NAV3: variants seen among roughly 807,000 people sequenced by gnomAD.
NAV3 encodes the protein neuron navigator 3, also known as pore membrane and/or filament interacting like protein 1.
In NAV3, 87 loss-of-function variants were observed where a neutral mutation model predicts 244.7. The observed-to-expected ratio is 0.36, with a 90% CI of 0.30 to 0.42. NAV3 has a LOEUF of 0.42. NAV3 is among the 20% of genes least tolerant of loss of function. The pLI is 1.00. For synonymous variants in NAV3, 1,126 were observed against 1,042.2 expected, an observed-to-expected ratio of 1.08 and a Z score of -1.55; for missense variants, 2,663 against 2,893.3, an observed-to-expected ratio of 0.92 and a Z score of 1.83.
intron 2 of NAV3, among the ~76,000 whole-genome samples, chr12:77,704,279 G>A (rs2251744): frequency 0.81 from 123,895 of 152,134 alleles, 52,989 homozygotes; most frequent in East Asian, 1. Flanking sequence ...GTGTGAGTGC[G>A]TGCATGTGTG....
intron 2 of NAV3, among the ~76,000 whole-genome samples, chr12:77,661,973 A>C (rs1873471631): frequency 6.6e-6 from 1 of 152,018 alleles, no homozygotes; most frequent in Non-Finnish European, 1.5e-5. Flanking sequence ...CTTTATATTA[A>C]ATTTTAAAAT....
chr12:77,774,652 G>T (rs750869969), intron 2 of NAV3, among the ~76,000 whole-genome samples: 7 of 152,106 alleles, frequency 4.6e-5, no homozygotes, highest in African/African-American at 9.7e-5. Context: ...TTATGTAGGG[G>T]ACTGTCATCC....
intron 1 of NAV3, among the ~76,000 whole-genome samples, chr12:77,927,557 T>G (rs1423466635): frequency 6.6e-6 from 1 of 152,172 alleles, no homozygotes; most frequent in East Asian, 1.9e-4. Context: ...ATTGAATGAG[T>G]TAAACTATTT....
intron 12 of NAV3, among the ~76,000 whole-genome samples, chr12:78,065,081 G>T (rs931386943): frequency 6.6e-6 from 1 of 152,022 alleles, no homozygotes; most frequent in Admixed American, 6.6e-5. Flanking sequence ...TAAAGCAGGA[G>T]AGAGTGAAGA....
At chr12:77,946,304 G>A (rs1890348265) in intron 3 of NAV3, among the ~76,000 whole-genome samples, 1 of 151,278 alleles carries the variant, frequency 6.6e-6, no homozygotes, top group African/African-American at 2.4e-5. Context: ...TATAATATGT[G>A]TATGTGTGTG....
chr12:77,661,275 T>C (rs1029563808), intron 2 of NAV3, among the ~76,000 whole-genome samples: 4 of 152,178 alleles, frequency 2.6e-5, no homozygotes, highest in Non-Finnish European at 5.9e-5. Context: ...TTAGTCATTC[T>C]AGTGTGTGTA....
intron 12 of NAV3, among the ~76,000 whole-genome samples, chr12:78,107,576 A>G (rs1301406192): frequency 6.6e-6 from 1 of 152,184 alleles, no homozygotes; most frequent in Non-Finnish European, 1.5e-5. Flanking sequence ...ACAGGCCAGA[A>G]AGAATAGGAC....
chr12:77,970,315 A>C (rs1453951953), intron 5 of NAV3, among the ~76,000 whole-genome samples: 1 of 152,154 alleles, frequency 6.6e-6, no homozygotes, highest in Non-Finnish European at 1.5e-5. Context: ...TCAAACAATT[A>C]AAATAATGTT....
intron 1 of NAV3, among the ~76,000 whole-genome samples, chr12:77,866,364 C>G (rs1880025970): frequency 6.6e-6 from 1 of 152,156 alleles, no homozygotes; most frequent in African/African-American, 2.4e-5. Flanking sequence ...TTAAAAAGAA[C>G]TTACTACATC....
intron 19 of NAV3, 110 bp from the exon 20 acceptor site, chr12:78,140,172 T>C: frequency 1.2e-6 from 1 of 857,786 alleles, no homozygotes; most frequent in Admixed American, 2.1e-5. Context: ...TATAGTTAGT[T>C]GTTATTACTT....
At chr12:78,170,810 G>A (rs1957969773) in intron 24 of NAV3, among the ~76,000 whole-genome samples, 1 of 151,700 alleles carries the variant, frequency 6.6e-6, no homozygotes, top group African/African-American at 2.4e-5. Flanking sequence ...AGACACTGCA[G>A]CAGCAGTGAA....
chr12:78,205,262 A>G, intron 39 of NAV3, 124 bp downstream of exon 39: 1 of 1,024,040 alleles, frequency 9.8e-7, no homozygotes. Flanking sequence ...TTTTAACCCT[A>G]TTATCTTTGG....
intron 4 of NAV3, among the ~76,000 whole-genome samples, chr12:77,968,301 T>TA (rs2137982123): frequency 6.6e-6 from 1 of 152,342 alleles, no homozygotes; most frequent in South Asian, 2.1e-4. Flanking sequence ...TTGTTCTTTT[T>TA]ACCCTCTATC....
intron 2 of NAV3, among the ~76,000 whole-genome samples, chr12:77,697,306 T>A (rs1346875094): frequency 1.3e-5 from 2 of 152,154 alleles, no homozygotes; most frequent in East Asian, 3.9e-4. Context: ...TAGTGGGGCA[T>A]CTGCCAACAG....
chr12:77,584,237 C>T (rs1467688386), intron 2 of NAV3, among the ~76,000 whole-genome samples: 5 of 152,098 alleles, frequency 3.3e-5, no homozygotes, highest in South Asian at 2.1e-4. Flanking sequence ...GCATATGATA[C>T]GTACTCAGGA....
chr12:77,925,370 G>A (rs1457311131), intron 1 of NAV3, among the ~76,000 whole-genome samples: 3 of 152,048 alleles, frequency 2.0e-5, no homozygotes, highest in Non-Finnish European at 4.4e-5. Flanking sequence ...AACCGTATAA[G>A]TTCATATAGT....
chr12:77,801,870 C>T (rs1193583074), intron 2 of NAV3, among the ~76,000 whole-genome samples: 1 of 152,082 alleles, frequency 6.6e-6, no homozygotes, highest in African/African-American at 2.4e-5. Context: ...GATTTCTAAA[C>T]AAAATGGTTC....
intron 1 of NAV3, among the ~76,000 whole-genome samples, chr12:77,858,470 A>G (rs1221142382): frequency 6.6e-6 from 1 of 152,100 alleles, no homozygotes; most frequent in Non-Finnish European, 1.5e-5. Flanking sequence ...TAAAGTTAAT[A>G]TCTAAGACCA....
chr12:77,805,583 G>A (rs897464888), intron 2 of NAV3, among the ~76,000 whole-genome samples: 1 of 152,166 alleles, frequency 6.6e-6, no homozygotes, highest in Non-Finnish European at 1.5e-5. Flanking sequence ...ATTTTATTGA[G>A]TATTTTTGCA....
Sources: gnomAD v4.1 joint callset for allele counts (sites outside exome capture counted in the v4.1 genomes callset) on GRCh38, gnomAD v4.1.1 for gene constraint, MANE v1.5 for transcripts, NCBI Gene and HGNC (gene_info 2026-07-23, HGNC 2026-07-21) for gene names.